Variants in CAPN6 observed in about 807,000 individuals in gnomAD.
CAPN6 encodes the protein calpain 6, also known as calpain-6.
A neutral mutation model predicts 46.0 loss-of-function variants in CAPN6; 16 were observed. The observed-to-expected ratio is 0.35, with a 90% CI of 0.24 to 0.53. CAPN6 has a LOEUF of 0.53. CAPN6 is among the 20% of genes least tolerant of loss of function. The pLI is 0.94. For synonymous variants in CAPN6, 206 were observed against 172.8 expected (o/e 1.19, Z -1.51); for missense variants, 461 against 498.0 (o/e 0.93, Z 0.71).
chrX:111,268,301 A>T (rs1341849929), intron 1 of CAPN6, among the ~76,000 whole-genome samples: 1 of 112,585 alleles, frequency 8.9e-6, no homozygotes, highest in Non-Finnish European at 1.9e-5. Context: ...GATAAAAGGA[A>T]CACAGGTGGT....
rs1189625771 is a variant in CAPN6, at chrX:111,247,324, T to C, written c.1743+44A>G. On this transcript the variant is annotated intron_variant, in intron 12 of 12. Transcript: ENST00000324068. ...GTACTTGGGATCATCTAGTATCTGG[T>C]ACAAAGTATGAGCCTTTCTGGCGAC... 7 of 1,102,831 alleles carry C rather than the reference T, an allele frequency of 6.3e-6. No homozygotes were observed. The South Asian group carries it at 1.4e-4, about 22-fold the overall frequency. 90.9% of individuals were successfully genotyped at this position (1,102,831 alleles called of 1,213,427 possible). A position where few individuals can be genotyped will look rare whatever the true frequency, so the allele number is the denominator to read the frequency against.
intron 2 of CAPN6, 99 bp from the exon 3 acceptor site, chrX:111,254,502 G>A (rs2094982242): frequency 1.7e-6 from 1 of 583,215 alleles, no homozygotes; most frequent in Admixed American, 3.2e-5. Flanking sequence ...GAGGAGATAA[G>A]GTTAGGGTTG....
intron 2 of CAPN6, among the ~76,000 whole-genome samples, chrX:111,256,973 A>T (rs1395576716): frequency 9.1e-6 from 1 of 110,386 alleles, no homozygotes; most frequent in Non-Finnish European, 1.9e-5. Context: ...CAGTCATAGA[A>T]TGTCAAAACT....
chrX:111,257,069 A>T (rs2094984474), intron 2 of CAPN6, among the ~76,000 whole-genome samples: 1 of 111,476 alleles, frequency 9.0e-6, no homozygotes, highest in African/African-American at 3.3e-5. Flanking sequence ...TGCTACTCTG[A>T]TCATCTAGCT....
chrX:111,251,081 G>A lies in CAPN6; in HGVS notation c.994C>T (p.Arg332Cys), dbSNP rs749320562. Residue 332 changes from arginine to cysteine, a missense_variant, in exon 8 of 13, where the codon CGC (arginine) becomes TGC (cysteine). Arg to Cys is a radical substitution (Grantham distance 180). Transcript: ENST00000324068. The part of the protein sequence containing the change: ...EFWMSLEDFC[R>C]NFHKLNVCRN... ...CAGACATTCAGTTTGTGAAAGTTGC[G>A]GCAAAAGTCCTCCAAGCTCATCCTG... The A allele has an allele frequency of 2.0e-5, 24 of 1,208,382 alleles. No homozygotes were observed. The highest frequency in any genetic ancestry group is 8.9e-5 in the East Asian group (3 of 33,699).
At chrX:111,268,218 G>T (rs1425244654) in intron 1 of CAPN6, among the ~76,000 whole-genome samples, 1 of 110,168 alleles carries the variant, frequency 9.1e-6, no homozygotes, top group Non-Finnish European at 1.9e-5. Flanking sequence ...GCCATTCAAA[G>T]GAAAAAAAAG....
At chrX:111,263,164 T>C (rs1283415798) in intron 2 of CAPN6, among the ~76,000 whole-genome samples, 2 of 112,187 alleles carry the variant, frequency 1.8e-5, no homozygotes, top group East Asian at 5.6e-4. Context: ...TCTCTCTGTT[T>C]TTTGTACAGA....
chrX:111,255,174 A>G (rs1726465567), intron 2 of CAPN6, among the ~76,000 whole-genome samples: 1 of 112,049 alleles, frequency 8.9e-6, no homozygotes, highest in African/African-American at 3.2e-5. Flanking sequence ...AATGATACCT[A>G]AATGATACAA....
chrX:111,255,091 G>T (rs2094982734), intron 2 of CAPN6, among the ~76,000 whole-genome samples: 1 of 111,809 alleles, frequency 8.9e-6, no homozygotes, highest in African/African-American at 3.3e-5. Flanking sequence ...AGTGGGGGCA[G>T]TATTTGTTTG....
intron 2 of CAPN6, among the ~76,000 whole-genome samples, chrX:111,259,851 G>T: frequency 8.9e-6 from 1 of 111,897 alleles, no homozygotes; most frequent in South Asian, 3.8e-4. Context: ...GAGGTGGGTA[G>T]GAGGGGAGAG....
chrX:111,264,240 A>G (rs1476541580), intron 1 of CAPN6, among the ~76,000 whole-genome samples: 2 of 112,118 alleles, frequency 1.8e-5, no homozygotes, highest in South Asian at 3.8e-4. Flanking sequence ...AATCAATAAT[A>G]AAAGTAAAGA....
At chrX:111,266,233 CAAAAAAAAA>C (rs36058551) in intron 1 of CAPN6, among the ~76,000 whole-genome samples, 2 of 34,318 alleles carry the variant, frequency 5.8e-5, no homozygotes, top group African/African-American at 2.3e-4. Flanking sequence ...GACTCCGTCT[CAAAAAAAAA>C]AAAAAAAAAA....
chrX:111,268,782 T>G (rs1317610678), intron 1 of CAPN6, among the ~76,000 whole-genome samples: 3 of 112,493 alleles, frequency 2.7e-5, no homozygotes, highest in Non-Finnish European at 5.6e-5. Context: ...GAAAGTCTGT[T>G]AGAAATCACT....
At chrX:111,253,436 T>C (rs1432304308) in intron 3 of CAPN6, among the ~76,000 whole-genome samples, 1 of 112,553 alleles carries the variant, frequency 8.9e-6, no homozygotes, top group African/African-American at 3.2e-5. Context: ...CCTGTCTAAA[T>C]GCACACAGGA....
chrX:111,249,198 G>T (rs1405775779), intron 8 of CAPN6, 141 bp from the exon 9 acceptor site: 1 of 613,139 alleles, frequency 1.6e-6, no homozygotes, highest in Non-Finnish European at 2.5e-6. Context: ...CAGACAACAA[G>T]GTCTTGGATA....
chrX:111,247,093 C>T (rs963689308), intron 12 of CAPN6, among the ~76,000 whole-genome samples: 18 of 111,466 alleles, frequency 1.6e-4, no homozygotes, highest in Non-Finnish European at 1.7e-4. Context: ...ATAAGCTTTC[C>T]TCCATGGGAT....
intron 2 of CAPN6, among the ~76,000 whole-genome samples, chrX:111,255,041 G>A (rs748365052): frequency 1.8e-5 from 2 of 111,534 alleles, no homozygotes; most frequent in African/African-American, 6.5e-5. Context: ...CACTTCAACC[G>A]ACACTCTTCC....
chrX:111,257,742 G>A (rs1483905139), intron 2 of CAPN6, among the ~76,000 whole-genome samples: 1 of 111,728 alleles, frequency 9.0e-6, no homozygotes, highest in Non-Finnish European at 1.9e-5. Flanking sequence ...ATTTCAGCTT[G>A]AGCTGTGCTG....
intron 2 of CAPN6, among the ~76,000 whole-genome samples, chrX:111,261,208 A>T (rs1288170055): frequency 1.8e-5 from 2 of 112,653 alleles, no homozygotes; most frequent in Non-Finnish European, 3.7e-5. Flanking sequence ...GTGAAAACTT[A>T]TGCAGGCTTT....
Sources: gnomAD v4.1 joint callset for allele counts (sites outside exome capture counted in the v4.1 genomes callset) on GRCh38, gnomAD v4.1.1 for gene constraint, MANE v1.5 for transcripts, NCBI Gene and HGNC (gene_info 2026-07-23, HGNC 2026-07-21) for gene names.